Variants in ARFGEF2 observed in about 807,000 individuals in gnomAD.
ARFGEF2 encodes the protein ARF guanine nucleotide exchange factor 2, also known as brefeldin A-inhibited guanine nucleotide-exchange protein 2.
A neutral mutation model predicts 219.9 loss-of-function variants in ARFGEF2; 74 were observed. That is an observed-to-expected ratio of 0.34 (90% confidence interval 0.28 to 0.41). The LOEUF (loss-of-function observed/expected upper bound fraction) is 0.41. ARFGEF2 is among the 10% of genes least tolerant of loss of function. ARFGEF2 has a pLI of 1.00. For synonymous variants in ARFGEF2, 733 were observed against 799.2 expected (o/e 0.92, Z 1.40); for missense variants, 1,743 against 2,218.3 (o/e 0.79, Z 4.30).
intron 7 of ARFGEF2, among the ~76,000 whole-genome samples, chr20:48,965,535 T>A (rs1404993172): frequency 6.6e-6 from 1 of 152,250 alleles, no homozygotes; most frequent in Non-Finnish European, 1.5e-5. Flanking sequence ...AAAAAATCTG[T>A]ACCTTTCATG....
rs2091089881 is a variant in ARFGEF2, at chr20:48,953,930, T to C, written c.838+140T>C. The C allele has an allele frequency of 5.5e-6, 5 of 917,056 alleles. No individual in the cohort carries two copies. The South Asian group carries it at 7.1e-5, about 13-fold the overall frequency. 56.8% of individuals were successfully genotyped at this position (917,056 alleles called of 1,614,324 possible). On this transcript the variant is annotated intron_variant, in intron 6 of 38. Transcript: ENST00000371917. ...TCTTTCTGGGCCTTTCCCTTTGCTT[T>C]TCTCTTAGGGAACACAACCAGTGAG...
intron 4 of ARFGEF2, among the ~76,000 whole-genome samples, chr20:48,951,746 C>A (rs1036599003): frequency 6.6e-5 from 10 of 152,078 alleles, no homozygotes; most frequent in African/African-American, 2.4e-4. Flanking sequence ...CTCTGGTTAA[C>A]CCTGGATTCC....
At chr20:49,025,656 G>T (rs1432772674) in intron 36 of ARFGEF2, among the ~76,000 whole-genome samples, 175 bp downstream of exon 36, 1 of 152,178 alleles carries the variant, frequency 6.6e-6, no homozygotes, top group Non-Finnish European at 1.5e-5. Flanking sequence ...GTACATGGTA[G>T]ATTCTCAGTA....
In ARFGEF2 at chr20:48,973,200, T is replaced by C; in HGVS notation, c.1581T>C (p.Ala527=). The change falls in exon 12 of 39, where the codon GCT becomes GCC. Residue 527 remains alanine (A), a synonymous_variant. Coordinates refer to ENST00000371917, the MANE Select transcript of ARFGEF2 (RefSeq NM_006420.3). ...ACTACGACTGTGATTTAAATGCTGC[T>C]AACATTTTTGAGCGCCTTGTAAATG... The part of the protein sequence containing the change: ...YVNYDCDLNA[A]NIFERLVNDL... 2 of 1,614,164 alleles carry C rather than the reference T, an allele frequency of 1.2e-6. No homozygotes were observed. The highest frequency in any genetic ancestry group is 1.1e-5 in the South Asian group (1 of 91,084).
chr20:49,033,418 GGA>G lies in ARFGEF2; in HGVS notation c.*221_*222del. 1 of 547,280 alleles carries G rather than the reference GGA, an allele frequency of 1.8e-6. No homozygotes were observed. The highest frequency in any genetic ancestry group is 3.2e-5 in the Admixed American group (1 of 31,476). The allele number at this position is 547,280 out of a possible 1,614,324, so 33.9% of individuals were successfully genotyped here. ...CATACCCAGTTAGCACAGTAGGTGG[GGA>G]GTCTGCTTCATTTCTATCATTCCAT... On this transcript the variant is annotated 3_prime_UTR_variant, in exon 39 of 39. Coordinates refer to ENST00000371917, the MANE Select transcript of ARFGEF2 (RefSeq NM_006420.3).
At chr20:49,031,926 A>AG (rs994150532) in intron 37 of ARFGEF2, 123 bp from the exon 38 acceptor site, 1 of 856,414 alleles carries the variant, frequency 1.2e-6, no homozygotes, top group African/African-American at 1.7e-5. Flanking sequence ...TCAAAAAAAA[A>AG]AAAGTAATTA....
chr20:48,989,348 C>T lies in ARFGEF2; in HGVS notation c.2597C>T (p.Thr866Ile). 1 of 1,614,208 alleles carries T rather than the reference C, an allele frequency of 6.2e-7. No individual in the cohort carries two copies. Among genetic ancestry groups the T allele is most frequent in the East Asian group, 2.2e-5 (1 of 44,888 alleles). ...TTAGAGATGGAGCAAATGGCTAAAA[C>T]AGCCAAAGCTCTGATGGAGGCTGTG... ...YNLEMEQMAK[T>I]AKALMEAVSH... Residue 866 changes from threonine (T) to isoleucine (I), a missense_variant, in exon 19 of 39, where the codon ACA becomes ATA. By Grantham distance (89) the Thr-to-Ile change is moderately conservative. Coordinates refer to ENST00000371917, the MANE Select transcript of ARFGEF2 (RefSeq NM_006420.3).
At chr20:48,965,448 G>T (rs1483265037) in intron 7 of ARFGEF2, among the ~76,000 whole-genome samples, 2 of 152,028 alleles carry the variant, frequency 1.3e-5, no homozygotes, top group East Asian at 3.9e-4. Flanking sequence ...AGAAGCTCAG[G>T]TTTACATTTT....
chr20:48,927,574 G>A (rs2090885961), intron 1 of ARFGEF2, among the ~76,000 whole-genome samples: 1 of 151,946 alleles, frequency 6.6e-6, no homozygotes, highest in South Asian at 2.1e-4. Flanking sequence ...CGTAATCCCA[G>A]CTACTTGGGA....
At position 48,966,030 on chromosome 20, in the gene ARFGEF2, T is replaced by A. The variant is rs1179645819; in HGVS notation, c.1059+7T>A. On this transcript the variant is annotated splice_region_variant and intron_variant, in intron 8 of 38. Coordinates refer to ENST00000371917, the MANE Select transcript of ARFGEF2 (RefSeq NM_006420.3). ...GTCGTCAGCAGATAATCTGGTATGT[T>A]GGTGATCATCCTCTGTGGACTTATT... is the stretch of plus-strand genomic sequence containing the variant. The A allele has an allele frequency of 3.2e-5, 51 of 1,614,002 alleles. No individual in the cohort carries two copies. Among genetic ancestry groups the A allele is most frequent in the Non-Finnish European group, 4.3e-5 (51 of 1,179,882 alleles).
At chr20:48,956,753 A>G (rs2091108157) in intron 6 of ARFGEF2, among the ~76,000 whole-genome samples, 1 of 151,876 alleles carries the variant, frequency 6.6e-6, no homozygotes, top group Non-Finnish European at 1.5e-5. Context: ...CTAATTTTGT[A>G]TTTTTTAGTA....
In ARFGEF2 at chr20:48,984,925, GC is replaced by G. The variant is rs1600633688; in HGVS notation, c.2070+88del. 3 of 1,603,650 alleles carry G rather than the reference GC, an allele frequency of 1.9e-6. No individual in the cohort carries two copies. The African/African-American group carries it at 4.0e-5, about 22-fold the overall frequency. ...CCAGTTTTAACCTCGAGATTGTCTGGCCCTAAGTACATTGTCTGTTGTCCAC... is the reference window on the plus strand; with the variant it reads ...CCAGTTTTAACCTCGAGATTGTCTGGCCTAAGTACATTGTCTGTTGTCCAC... On this transcript the variant is annotated intron_variant, in intron 15 of 38. Coordinates refer to ENST00000371917, the MANE Select transcript of ARFGEF2 (RefSeq NM_006420.3).
chr20:48,922,065 C>T (rs2090844891), intron 1 of ARFGEF2, 55 bp downstream of exon 1: 10 of 1,542,084 alleles, frequency 6.5e-6, no homozygotes, highest in Non-Finnish European at 8.7e-6. Flanking sequence ...TCGGCCGTTG[C>T]CCTATCCTAC....
chr20:48,969,655 A>T (rs916272778), intron 9 of ARFGEF2, among the ~76,000 whole-genome samples: 1 of 152,252 alleles, frequency 6.6e-6, no homozygotes, highest in African/African-American at 2.4e-5. Context: ...CCTCTGCTTC[A>T]TCGATACAGA....
chr20:48,969,020 GT>G (rs2091208737), intron 8 of ARFGEF2, 126 bp from the exon 9 acceptor site: 2 of 846,368 alleles, frequency 2.4e-6, no homozygotes, highest in Admixed American at 2.0e-5. Flanking sequence ...GAGTGCAATG[GT>G]GCCATCATGG....
chr20:48,962,381 A>G (rs947235719), intron 6 of ARFGEF2, among the ~76,000 whole-genome samples: 2 of 152,224 alleles, frequency 1.3e-5, no homozygotes, highest in African/African-American at 4.8e-5. Context: ...ACTAGACGAT[A>G]GGAATTTTTC....
At position 49,013,912 on chromosome 20, in the gene ARFGEF2, C is replaced by T. The variant is rs2281582; in HGVS notation, c.4131C>T (p.Ile1377=). The change falls in exon 30 of 39, where the codon ATC becomes ATT. Residue 1377 remains isoleucine, a synonymous_variant. Coordinates refer to ENST00000371917, the MANE Select transcript of ARFGEF2 (RefSeq NM_006420.3). ...EKHWWQDLFR[I]VFRIFDNMKL... ...ACTGGTGGCAGGACCTGTTCAGAAT[C>T]GTGTTTCGGATTTTTGACAATATGA... 243,759 of 1,613,834 alleles carry T rather than the reference C, an allele frequency of 0.15. 21,936 individuals are homozygous for T. Among genetic ancestry groups the T allele is most frequent in the East Asian group, 0.34 (15,365 of 44,860 alleles).
chr20:49,023,286 T>C (rs1277115571), intron 35 of ARFGEF2, 105 bp downstream of exon 35: 7 of 1,458,870 alleles, frequency 4.8e-6, no homozygotes, highest in African/African-American at 1.4e-5. Context: ...GAGCCTGTCA[T>C]GCTCATCTCT....
chr20:48,996,256 C>T (rs1345954570), intron 23 of ARFGEF2, among the ~76,000 whole-genome samples: 2 of 149,440 alleles, frequency 1.3e-5, no homozygotes, highest in East Asian at 3.9e-4. Flanking sequence ...GAAATCGAGA[C>T]CATTTTGGCT....
Sources: allele counts gnomAD v4.1 joint callset (sites outside exome capture counted in the v4.1 genomes callset), GRCh38; gene constraint gnomAD v4.1.1; transcripts MANE v1.5; gene names NCBI Gene and HGNC (gene_info 2026-07-23, HGNC 2026-07-21).